The following TAPT1 variants were observed in gnomAD, a reference collection of about 807,000 sequenced individuals.
TAPT1 encodes the protein transmembrane anterior posterior transformation protein 1 homolog.
In TAPT1, 28 loss-of-function variants were observed where a neutral mutation model predicts 65.6. The ratio of observed to expected loss-of-function variants is 0.43; its 90% CI spans 0.32 to 0.59. TAPT1 has a LOEUF of 0.59. Ranked by LOEUF, TAPT1 falls within the 20% of genes least tolerant of loss-of-function variation. The pLI is 0.09. For missense variants in TAPT1, 563 were observed against 679.9 expected, an observed-to-expected ratio of 0.83 and a Z score of 1.91; for synonymous variants, 278 against 245.2, an observed-to-expected ratio of 1.13 and a Z score of -1.25.
chr4:16,209,755 T>C (rs904057461), intron 2 of TAPT1, among the ~76,000 whole-genome samples: 2 of 152,200 alleles, frequency 1.3e-5, no homozygotes, highest in Admixed American at 1.3e-4. Context: ...GCTTTAATAG[T>C]ATATATATCT....
intron 2 of TAPT1, among the ~76,000 whole-genome samples, chr4:16,206,653 G>A (rs1372642787): frequency 6.6e-6 from 1 of 152,132 alleles, no homozygotes; most frequent in East Asian, 1.9e-4. Flanking sequence ...AGTGAGCAGA[G>A]AGGACAGTAC....
At chr4:16,177,482 G>A (rs1281084211) in intron 8 of TAPT1, among the ~76,000 whole-genome samples, 1 of 152,208 alleles carries the variant, frequency 6.6e-6, no homozygotes, top group African/African-American at 2.4e-5. Flanking sequence ...CCGGCTGACA[G>A]TGTAGACAGC....
At chr4:16,187,239 G>A (rs1333513574) in intron 5 of TAPT1, among the ~76,000 whole-genome samples, 1 of 152,090 alleles carries the variant, frequency 6.6e-6, no homozygotes, top group Non-Finnish European at 1.5e-5. Context: ...GGTAAATACT[G>A]AAAGAAGAGA....
At chr4:16,220,046 GC>G (rs569207938) in intron 1 of TAPT1, among the ~76,000 whole-genome samples, 164 of 152,314 alleles carry the variant, frequency 1.1e-3, no homozygotes, top group Middle Eastern at 3.4e-3. Flanking sequence ...CCTGGAGAAG[GC>G]TGCATTTCCC....
intron 1 of TAPT1, among the ~76,000 whole-genome samples, chr4:16,224,190 C>T (rs1039965003): frequency 6.6e-6 from 1 of 152,292 alleles, no homozygotes; most frequent in African/African-American, 2.4e-5. Context: ...TGCTGCCACT[C>T]AAAGGCCCTC....
chr4:16,211,255 A>G (rs911440693), intron 2 of TAPT1, among the ~76,000 whole-genome samples: 4 of 152,076 alleles, frequency 2.6e-5, no homozygotes, highest in African/African-American at 9.7e-5. Flanking sequence ...AAGATATTAT[A>G]TATTAGAATA....
intron 5 of TAPT1, 139 bp from the exon 6 acceptor site, chr4:16,187,017 C>T: frequency 1.7e-6 from 1 of 600,206 alleles, no homozygotes; most frequent in African/African-American, 1.9e-5. Flanking sequence ...TTCATAATTT[C>T]CCTATTAGCT....
At chr4:16,188,712 A>T (rs1166563357) in intron 4 of TAPT1, among the ~76,000 whole-genome samples, 3 of 151,772 alleles carry the variant, frequency 2.0e-5, no homozygotes, top group Non-Finnish European at 4.4e-5. Context: ...CGAGGTCAGG[A>T]GATTGAGACC....
At position 16,191,349 on chromosome 4, in the gene TAPT1, C is replaced by T; in HGVS notation, c.612+12G>A. 6.3e-7 allele frequency: 1 copy of T among 1,592,824 alleles called. No homozygotes were observed. The highest frequency in any genetic ancestry group is 8.6e-7 in the Non-Finnish European group (1 of 1,169,384). On this transcript the variant is annotated intron_variant, in intron 4 of 13. Coordinates refer to ENST00000405303, the MANE Select transcript of TAPT1 (RefSeq NM_153365.3). ...CCTGGCCAGGCCTGTGCGGGGTAAG[C>T]AAGGCCCTTACCTCCAGCATGTTGT...
intron 1 of TAPT1, among the ~76,000 whole-genome samples, chr4:16,214,957 T>C (rs1162121414): frequency 1.3e-5 from 2 of 152,152 alleles, no homozygotes; most frequent in East Asian, 1.9e-4. Context: ...AGGAGTACTA[T>C]GATCTAAAGC....
chr4:16,218,017 C>T (rs1316414767), intron 1 of TAPT1, among the ~76,000 whole-genome samples: 2 of 152,212 alleles, frequency 1.3e-5, no homozygotes, highest in African/African-American at 4.8e-5. Context: ...AAAGAAATTA[C>T]GCAGCCCACA....
intron 7 of TAPT1, among the ~76,000 whole-genome samples, chr4:16,182,053 ATATC>A (rs763403731): frequency 4.6e-5 from 7 of 152,130 alleles, no homozygotes; most frequent in African/African-American, 9.7e-5. Flanking sequence ...ATACAAAACT[ATATC>A]TAACTATAAA....
At chr4:16,167,221 G>GGGCTCAAGCAATCCTCCC (rs1347733278) in intron 12 of TAPT1, among the ~76,000 whole-genome samples, 1 of 152,044 alleles carries the variant, frequency 6.6e-6, no homozygotes, top group Non-Finnish European at 1.5e-5. Flanking sequence ...TCAAACTCCT[G>GGGCTCAAGCAATCCTCCC]ACCTTGTGAT....
intron 3 of TAPT1, among the ~76,000 whole-genome samples, chr4:16,198,377 ATTATTGATGTGATACTGAACCAAACAG>A (rs1242361757): frequency 1.3e-4 from 20 of 152,204 alleles, no homozygotes; most frequent in African/African-American, 4.6e-4. Flanking sequence ...AATAATTTAC[ATTATTGATGTGATACTGAACCAAACAG>A]TTCTAGAGTC....
rs1748214566 is a variant in TAPT1 at position 16,174,660 on chromosome 4, A to G, written c.1167+10T>C. 1 of 1,585,488 alleles carries G rather than the reference A, an allele frequency of 6.3e-7. No homozygotes were observed. ...GTTAATTTCAGACTACGCCCTTGAT[A>G]AATGCTCACATTTTTCTGTCGGCTG... On this transcript the variant is annotated intron_variant, in intron 10 of 13. Coordinates refer to ENST00000405303, the MANE Select transcript of TAPT1 (RefSeq NM_153365.3).
At chr4:16,173,940 A>G (rs892868631) in intron 11 of TAPT1, among the ~76,000 whole-genome samples, 4 of 152,250 alleles carry the variant, frequency 2.6e-5, no homozygotes, top group Non-Finnish European at 5.9e-5. Flanking sequence ...TTACTAAATG[A>G]ATAAGCAAAA....
intron 1 of TAPT1, among the ~76,000 whole-genome samples, chr4:16,222,294 A>G (rs1751296965): frequency 6.6e-6 from 1 of 152,222 alleles, no homozygotes; most frequent in Non-Finnish European, 1.5e-5. Context: ...GTAACTTTTC[A>G]TTGTTCGTTT....
Position 16,174,193 on chromosome 4 carries a change from T to C in TAPT1, c.1236+11A>G, listed in dbSNP as rs1214484499. 3.2e-6 allele frequency: 5 copies of C among 1,586,754 alleles called. No individual in the cohort carries two copies. ...CTTTGTTACAAAAAACATTAAAAAG[T>C]ATGCACTTACTAAAACAGCTAGTGG... On this transcript the variant is annotated intron_variant, in intron 11 of 13. Transcript: ENST00000405303.
At chr4:16,188,042 CTTAAA>C (rs1560166556) in intron 5 of TAPT1, among the ~76,000 whole-genome samples, 173 bp downstream of exon 5, 1 of 152,180 alleles carries the variant, frequency 6.6e-6, no homozygotes, top group Admixed American at 6.5e-5. Context: ...ACATGAGGCT[CTTAAA>C]TTAGTTAGTT....
Sources: allele counts gnomAD v4.1 joint callset (sites outside exome capture counted in the v4.1 genomes callset), GRCh38; gene constraint gnomAD v4.1.1; transcripts MANE v1.5; gene names NCBI Gene and HGNC (gene_info 2026-07-23, HGNC 2026-07-21).